DPP10: variants seen among roughly 807,000 people sequenced by gnomAD.
The protein encoded by DPP10 is inactive dipeptidyl peptidase 10.
DPP10 carries 33 observed loss-of-function variants against 120.9 expected under a neutral mutation model. The observed-to-expected ratio is 0.27, with a 90% CI of 0.21 to 0.37. The LOEUF (loss-of-function observed/expected upper bound fraction) is 0.37. Ranked by LOEUF, DPP10 falls within the 10% of genes least tolerant of loss-of-function variation. DPP10 has a pLI of 1.00. For missense variants in DPP10, 816 were observed against 942.8 expected, an observed-to-expected ratio of 0.87 and a Z score of 1.76; for synonymous variants, 337 against 326.1, an observed-to-expected ratio of 1.03 and a Z score of -0.36.
rs891352320 is a variant in DPP10, at chr2:115,145,434, A to C, written c.61-163805A>C. On this transcript the variant is annotated intron_variant, in intron 1 of 25. Coordinates refer to ENST00000410059, the MANE Select transcript of DPP10 (RefSeq NM_020868.6). ...CTTTTCAGACTGACTTCTTTTACTT[A>C]GTAATATGCACTTAGGATTTATCAA... 2.6e-5 allele frequency among the ~76,000 whole-genome samples: 4 copies of C among 152,204 alleles called. No homozygotes were observed. In the East Asian group the frequency reaches 7.7e-4, roughly 29 times the overall value.
intron 1 of DPP10, among the ~76,000 whole-genome samples, chr2:114,998,769 G>T (rs1214020177): frequency 6.6e-6 from 1 of 152,132 alleles, no homozygotes; most frequent in Non-Finnish European, 1.5e-5. Flanking sequence ...AACAGAAAAC[G>T]CACAGAGGAA....
At chr2:114,590,014 G>A (rs1436952536) in intron 1 of DPP10, among the ~76,000 whole-genome samples, 4 of 151,898 alleles carry the variant, frequency 2.6e-5, no homozygotes, top group Non-Finnish European at 2.9e-5. Context: ...ACTATCTTGT[G>A]AAAGACACAT....
At chr2:115,434,587 CGTGTG>C (rs2071308503) in intron 3 of DPP10, among the ~76,000 whole-genome samples, 12 of 149,040 alleles carry the variant, frequency 8.1e-5, no homozygotes, top group Admixed American at 2.7e-4. Context: ...TTTGGAGGTA[CGTGTG>C]ATAGTTTGAT....
At chr2:115,391,177 A>G (rs2067290785) in intron 3 of DPP10, among the ~76,000 whole-genome samples, 1 of 152,180 alleles carries the variant, frequency 6.6e-6, no homozygotes, top group Non-Finnish European at 1.5e-5. Context: ...TTTGGATAGT[A>G]TGCACTACTT....
At chr2:115,265,723 T>C (rs767039629) in intron 1 of DPP10, among the ~76,000 whole-genome samples, 12 of 152,124 alleles carry the variant, frequency 7.9e-5, no homozygotes, top group Non-Finnish European at 1.6e-4. Flanking sequence ...AAGGGGCAGC[T>C]ACACATATCT....
intron 1 of DPP10, among the ~76,000 whole-genome samples, chr2:114,726,957 A>G (rs529643957): frequency 3.9e-5 from 6 of 152,360 alleles, no homozygotes; most frequent in Admixed American, 3.9e-4. Flanking sequence ...ATGCTTTCAG[A>G]AGGACATTTC....
In DPP10 at chr2:115,377,813, C is replaced by A. The variant is rs886614701; in HGVS notation, c.271+33901C>A. On this transcript the variant is annotated intron_variant, in intron 3 of 25. Coordinates refer to ENST00000410059, the MANE Select transcript of DPP10 (RefSeq NM_020868.6). ...AGCACCATTTATTAAATAGGGAATC[C>A]TTTCCCCATTGCTTGTTTTTGTCAG... 1.9e-3 allele frequency among the ~76,000 whole-genome samples: 294 copies of A among 152,206 alleles called. 2 individuals are homozygous for A. The highest frequency in any genetic ancestry group is 3.2e-3 in the Non-Finnish European group (217 of 68,006).
intron 1 of DPP10, among the ~76,000 whole-genome samples, chr2:114,578,566 C>T (rs1690242960): frequency 6.6e-6 from 1 of 152,164 alleles, no homozygotes; most frequent in Non-Finnish European, 1.5e-5. Context: ...AGTCCTGGCA[C>T]TGGGTTGCTC....
intron 3 of DPP10, among the ~76,000 whole-genome samples, chr2:115,350,592 G>A (rs942282955): frequency 6.6e-6 from 1 of 152,034 alleles, no homozygotes; most frequent in Non-Finnish European, 1.5e-5. Flanking sequence ...TCAGAGATCT[G>A]TATGAAAAGG....
At chr2:115,298,988 T>C (rs1446387222) in intron 1 of DPP10, among the ~76,000 whole-genome samples, 1 of 151,990 alleles carries the variant, frequency 6.6e-6, no homozygotes, top group Non-Finnish European at 1.5e-5. Flanking sequence ...GGCATGAATC[T>C]CATGGGCAAT....
intron 1 of DPP10, among the ~76,000 whole-genome samples, chr2:115,038,536 C>T (rs1449539859): frequency 2.0e-5 from 3 of 152,088 alleles, no homozygotes; most frequent in Non-Finnish European, 4.4e-5. Flanking sequence ...CTCTACCTCC[C>T]AAAGTGCTGG....
At chr2:114,995,742 G>T (rs1203032217) in intron 1 of DPP10, among the ~76,000 whole-genome samples, 2 of 152,124 alleles carry the variant, frequency 1.3e-5, no homozygotes. Context: ...TGTTTTACTC[G>T]TCTTTTAGTA....
chr2:115,761,409 A>G (rs183112824), intron 11 of DPP10, among the ~76,000 whole-genome samples: 15 of 152,286 alleles, frequency 9.8e-5, no homozygotes, highest in Non-Finnish European at 1.9e-4. Flanking sequence ...CTATCATACT[A>G]TTGATCTGAC....
chr2:115,050,304 G>A (rs938025003), intron 1 of DPP10: 6 of 152,130 alleles, frequency 3.9e-5, no homozygotes, highest in Non-Finnish European at 1.5e-5. Context: ...TCATGAAAAT[G>A]TACTGTATTT....
intron 5 of DPP10, among the ~76,000 whole-genome samples, chr2:115,681,081 C>A (rs906418095): frequency 1.3e-5 from 2 of 151,616 alleles, no homozygotes; most frequent in African/African-American, 4.8e-5. Flanking sequence ...TGACTTTGAA[C>A]AAAGAGAGAG....
intron 1 of DPP10, among the ~76,000 whole-genome samples, chr2:114,490,241 G>GT (rs34798476): frequency 0.26 from 39,548 of 152,088 alleles, 6,440 homozygotes; most frequent in Admixed American, 0.4. Flanking sequence ...CCCCACATTT[G>GT]TTCCCCTCTT....
intron 1 of DPP10, among the ~76,000 whole-genome samples, chr2:115,306,991 GT>G (rs770223884): frequency 1.2e-4 from 18 of 151,982 alleles, no homozygotes; most frequent in Non-Finnish European, 2.2e-4. Flanking sequence ...ATCTTTACAA[GT>G]GGCATTATAG....
At chr2:115,750,270 C>T in intron 10 of DPP10, 2 of 920,958 alleles carry the variant, frequency 2.2e-6, no homozygotes, top group Non-Finnish European at 2.6e-6. Context: ...CAATATGAAT[C>T]ACAGGGAGAT....
At chr2:114,809,612 C>T (rs1455096614) in intron 1 of DPP10, among the ~76,000 whole-genome samples, 2 of 152,146 alleles carry the variant, frequency 1.3e-5, no homozygotes, top group East Asian at 3.9e-4. Context: ...AAATTTGGAA[C>T]TTCTGAGAGG....
Sources: allele counts gnomAD v4.1 joint callset (sites outside exome capture counted in the v4.1 genomes callset), GRCh38; gene constraint gnomAD v4.1.1; transcripts MANE v1.5; gene names NCBI Gene and HGNC (gene_info 2026-07-23, HGNC 2026-07-21).